The following FOXP2 variants were observed in gnomAD, a reference collection of about 807,000 sequenced individuals.
FOXP2 encodes forkhead box P2.
A neutral mutation model predicts 115.8 loss-of-function variants in FOXP2; 12 were observed. The observed-to-expected ratio is 0.10, with a 90% CI of 0.07 to 0.17. The LOEUF (loss-of-function observed/expected upper bound fraction) is 0.17. Ranked by LOEUF, FOXP2 falls within the 10% of genes least tolerant of loss-of-function variation. The pLI, the probability that FOXP2 is intolerant of heterozygous loss-of-function variation, is 1.00. For synonymous variants in FOXP2, 328 were observed against 297.7 expected (o/e 1.10, Z -1.05); for missense variants, 629 against 843.5 (o/e 0.75, Z 3.15).
chr7:114,525,578 T>C (rs532970566), intron 2 of FOXP2, among the ~76,000 whole-genome samples: 18 of 152,174 alleles, frequency 1.2e-4, no homozygotes, highest in Non-Finnish European at 2.6e-4. Flanking sequence ...CACTTTTGTT[T>C]CTCCTGAAAT....
In FOXP2 at chr7:114,196,133, C is replaced by G. The variant is rs187246646; in HGVS notation, c.-102+33045C>G. Among the ~76,000 whole-genome samples, 202 of 152,130 alleles carry G rather than the reference C, an allele frequency of 1.3e-3. 2 individuals are homozygous for G. The highest frequency in any genetic ancestry group is 6.8e-3 in the Middle Eastern group (2 of 294). On this transcript the variant is annotated intron_variant, in intron 1 of 17. Transcript: ENST00000634411. ...GTTCAAGTGATTCTCCTGCCTCAGCCTCCCGAGTAGCTGGGACTAGGGCGC... is the reference window on the plus strand; with the variant it reads ...GTTCAAGTGATTCTCCTGCCTCAGCGTCCCGAGTAGCTGGGACTAGGGCGC...
intron 1 of FOXP2, among the ~76,000 whole-genome samples, chr7:114,244,164 A>G (rs1196157925): frequency 2.0e-5 from 3 of 152,184 alleles, no homozygotes; most frequent in Admixed American, 2.0e-4. Flanking sequence ...TTTACAAAAA[A>G]TTGTGAAGAT....
chr7:114,481,737 C>T (rs903019671), intron 2 of FOXP2, among the ~76,000 whole-genome samples: 1 of 150,866 alleles, frequency 6.6e-6, no homozygotes, highest in Non-Finnish European at 1.5e-5. Flanking sequence ...TATTACTGTT[C>T]GTTGCAGATG....
intron 1 of FOXP2, among the ~76,000 whole-genome samples, chr7:114,273,007 C>G (rs1027144733): frequency 6.6e-6 from 1 of 151,270 alleles, no homozygotes; most frequent in Non-Finnish European, 1.5e-5. Context: ...CATTCTTTTT[C>G]TAGTTTCCCA....
intron 2 of FOXP2, among the ~76,000 whole-genome samples, chr7:114,337,413 ATTC>A (rs1483008072): frequency 1.3e-5 from 2 of 151,356 alleles, no homozygotes; most frequent in African/African-American, 4.8e-5. Context: ...ACTATGAGCG[ATTC>A]AACTATTTTT....
intron 3 of FOXP2, among the ~76,000 whole-genome samples, chr7:114,567,931 A>C (rs530249144): frequency 2.0e-5 from 3 of 152,128 alleles, no homozygotes; most frequent in Admixed American, 1.3e-4. Flanking sequence ...ATGATAGTGC[A>C]AAGTTTATTC....
chr7:114,531,383 T>C (rs74804680), intron 2 of FOXP2, among the ~76,000 whole-genome samples: 3 of 151,928 alleles, frequency 2.0e-5, no homozygotes, highest in Non-Finnish European at 4.4e-5. Context: ...TAATCTTTCA[T>C]TTTTTGAGTG....
chr7:114,208,370 G>A lies in FOXP2; in HGVS notation c.-102+45282G>A, dbSNP rs557244204. Among the ~76,000 whole-genome samples the A allele has an allele frequency of 1.4e-4, 22 of 152,220 alleles. No individual in the cohort carries two copies. In the East Asian group the frequency reaches 2.1e-3, roughly 15 times the overall value. On this transcript the variant is annotated intron_variant, in intron 1 of 17. Transcript: ENST00000634411. ...TGGAACAGCTGTATTTACCCAATGCGTGTACCCCCATTGTATCTGGGAAGT... is the reference window on the plus strand; with the variant it reads ...TGGAACAGCTGTATTTACCCAATGCATGTACCCCCATTGTATCTGGGAAGT...
intron 2 of FOXP2, among the ~76,000 whole-genome samples, chr7:114,476,065 CTGTT>C (rs1461393458): frequency 2.7e-5 from 4 of 149,794 alleles, no homozygotes; most frequent in Non-Finnish European, 5.9e-5. Context: ...CTATAGGTGT[CTGTT>C]TGCTCTGTGG....
intron 1 of FOXP2, among the ~76,000 whole-genome samples, chr7:114,129,104 G>C (rs185564459): frequency 6.6e-6 from 1 of 152,260 alleles, no homozygotes; most frequent in Admixed American, 6.5e-5. Context: ...ATTCAGGAAA[G>C]TGAAGAGAAA....
At chr7:114,386,202 G>A (rs1045786948) in intron 2 of FOXP2, among the ~76,000 whole-genome samples, 1 of 152,190 alleles carries the variant, frequency 6.6e-6, no homozygotes, top group African/African-American at 2.4e-5. Flanking sequence ...AGCTCAGCTC[G>A]AGCCATAACA....
chr7:114,460,043 G>A (rs540586300), intron 2 of FOXP2, among the ~76,000 whole-genome samples: 1 of 152,208 alleles, frequency 6.6e-6, no homozygotes, highest in South Asian at 2.1e-4. Context: ...CAGAACGATT[G>A]TGTAGCTAGT....
chr7:114,629,441 A>G, intron 4 of FOXP2: 1 of 678,084 alleles, frequency 1.5e-6, no homozygotes, highest in Non-Finnish European at 2.4e-6. Flanking sequence ...GAATTGAGCA[A>G]CCTGATTTTA....
chr7:114,243,671 C>T (rs951234356), intron 1 of FOXP2, among the ~76,000 whole-genome samples: 2 of 151,932 alleles, frequency 1.3e-5, no homozygotes, highest in Admixed American at 6.6e-5. Context: ...ACTCCCTTTC[C>T]GAATTGGGTT....
chr7:114,660,999 A>G (rs1237068426), intron 13 of FOXP2, among the ~76,000 whole-genome samples: 2 of 151,284 alleles, frequency 1.3e-5, no homozygotes, highest in African/African-American at 4.9e-5. Context: ...AGCCATGGGC[A>G]TTAAGATCAA....
chr7:114,630,814 G>A (rs1584970714), intron 5 of FOXP2, among the ~76,000 whole-genome samples: 1 of 152,176 alleles, frequency 6.6e-6, no homozygotes, highest in East Asian at 1.9e-4. Flanking sequence ...CTGTTTTCCA[G>A]TGAGCGCATC....
At chr7:114,322,484 T>C (rs1322288447) in intron 2 of FOXP2, among the ~76,000 whole-genome samples, 2 of 152,016 alleles carry the variant, frequency 1.3e-5, no homozygotes, top group Non-Finnish European at 2.9e-5. Flanking sequence ...AAAACATTAA[T>C]ATAAATAAAA....
At chr7:114,548,816 A>G (rs193214970) in intron 3 of FOXP2, among the ~76,000 whole-genome samples, 3 of 152,340 alleles carry the variant, frequency 2.0e-5, no homozygotes, top group Non-Finnish European at 2.9e-5. Flanking sequence ...AACACTGGAT[A>G]GTTTAACTAA....
chr7:114,185,430 A>G (rs571948390), intron 1 of FOXP2, among the ~76,000 whole-genome samples: 21 of 152,186 alleles, frequency 1.4e-4, no homozygotes, highest in Non-Finnish European at 2.1e-4. Context: ...ATGGGATAAA[A>G]ATAAAGCCTA....
Sources: allele counts gnomAD v4.1 joint callset (sites outside exome capture counted in the v4.1 genomes callset), GRCh38; gene constraint gnomAD v4.1.1; transcripts MANE v1.5; gene names NCBI Gene and HGNC (gene_info 2026-07-23, HGNC 2026-07-21).